Variants in EXO1 observed in about 807,000 individuals in gnomAD.
EXO1 encodes the protein exonuclease 1.
Under a neutral mutation model 84.5 loss-of-function variants are expected in EXO1, and 69 were observed. The observed-to-expected ratio is 0.82, with a 90% CI of 0.67 to 1.00. EXO1 has a LOEUF of 1.00. EXO1 is among the 50% of genes least tolerant of loss of function. The pLI is 0.00. For missense variants in EXO1, 1,045 were observed against 1,000.7 expected (o/e 1.04, Z -0.60); for synonymous variants, 373 against 366.1 (o/e 1.02, Z -0.21).
intron 6 of EXO1, among the ~76,000 whole-genome samples, chr1:241,856,278 A>G (rs2488470): frequency 0.51 from 76,304 of 148,542 alleles, 19,898 homozygotes; most frequent in East Asian, 0.73. Flanking sequence ...TTTTTTTTTA[A>G]CTTCCCAAAG....
At chr1:241,872,890 A>G (rs1662194403) in intron 12 of EXO1, among the ~76,000 whole-genome samples, 1 of 152,190 alleles carries the variant, frequency 6.6e-6, no homozygotes, top group South Asian at 2.1e-4. Context: ...TTGCTGGGTC[A>G]AATGGTATTT....
At chr1:241,859,313 A>G (rs1661241755) in intron 8 of EXO1, among the ~76,000 whole-genome samples, 1 of 152,186 alleles carries the variant, frequency 6.6e-6, no homozygotes, top group East Asian at 1.9e-4. Flanking sequence ...CTAATAGAAG[A>G]CAGCTGTGTT....
chr1:241,865,710 A>G (rs989979630), intron 10 of EXO1, among the ~76,000 whole-genome samples: 1 of 152,132 alleles, frequency 6.6e-6, no homozygotes, highest in East Asian at 1.9e-4. Context: ...TGTACACCAA[A>G]TGAGTTATTT....
chr1:241,853,015 T>A (rs762088189), intron 5 of EXO1, among the ~76,000 whole-genome samples: 1 of 152,236 alleles, frequency 6.6e-6, no homozygotes, highest in Non-Finnish European at 1.5e-5. Flanking sequence ...TAGCCTAGTA[T>A]GTGAACAGAT....
intron 12 of EXO1, among the ~76,000 whole-genome samples, chr1:241,875,456 C>A (rs2148494677): frequency 6.6e-6 from 1 of 152,324 alleles, no homozygotes; most frequent in African/African-American, 2.4e-5. Flanking sequence ...CTCAAGGAAA[C>A]AGTTGCAATA....
intron 10 of EXO1, among the ~76,000 whole-genome samples, chr1:241,865,215 CTT>C (rs76945375): frequency 1.2e-4 from 16 of 138,026 alleles, no homozygotes; most frequent in Non-Finnish European, 1.6e-4. Context: ...TTGAATATCT[CTT>C]TTTTTTTTTT....
intron 12 of EXO1, among the ~76,000 whole-genome samples, 183 bp from the exon 13 acceptor site, chr1:241,878,566 G>A (rs1662540029): frequency 6.6e-6 from 1 of 151,582 alleles, no homozygotes; most frequent in African/African-American, 2.4e-5. Context: ...ATGTGTGAAT[G>A]TTGGCATAAT....
At chr1:241,855,488 C>T (rs1288590177) in intron 6 of EXO1, among the ~76,000 whole-genome samples, 1 of 152,220 alleles carries the variant, frequency 6.6e-6, no homozygotes, top group African/African-American at 2.4e-5. Context: ...TCTCCAAGGC[C>T]CCACCAGACT....
At chr1:241,852,693 G>A (rs891485797) in intron 5 of EXO1, among the ~76,000 whole-genome samples, 5 of 152,210 alleles carry the variant, frequency 3.3e-5, no homozygotes, top group East Asian at 3.9e-4. Context: ...GTCTCACTCT[G>A]TCGCCCAGTC....
chr1:241,884,786 G>A (rs998285477), intron 14 of EXO1, among the ~76,000 whole-genome samples: 2 of 152,188 alleles, frequency 1.3e-5, no homozygotes, highest in East Asian at 1.9e-4. Context: ...TTACAAAAGA[G>A]AGAACTTTTA....
rs112649271 is a variant in EXO1, at chr1:241,871,045, G to T, written c.1268-987G>T. Among the ~76,000 whole-genome samples the T allele has an allele frequency of 5.5e-3, 838 of 152,078 alleles. 6 individuals carry two copies. The highest frequency in any genetic ancestry group is 0.019 in the African/African-American group (800 of 41,476). On this transcript the variant is annotated intron_variant, in intron 11 of 15. Coordinates refer to ENST00000366548, the MANE Select transcript of EXO1 (RefSeq NM_130398.4). ...CAAATTCTAGATATGCTTAATTTATGGAGTCCCCAAATAACTATGCTAATA... is the reference window on the plus strand; with the variant it reads ...CAAATTCTAGATATGCTTAATTTATTGAGTCCCCAAATAACTATGCTAATA...
At chr1:241,869,953 A>G (rs113773871) in intron 11 of EXO1, among the ~76,000 whole-genome samples, 181 of 152,178 alleles carry the variant, frequency 1.2e-3, no homozygotes, top group African/African-American at 4.2e-3. Flanking sequence ...GCTGGGATAC[A>G]GGCGTCCACT....
Position 241,872,201 on chromosome 1 carries a change from G to A in EXO1, c.1437G>A (p.Thr479=). Residue 479 remains threonine (T), a synonymous_variant, in exon 12 of 16, where the codon ACG becomes ACA. Transcript: ENST00000366548. ...NKKSVSTPPR[T]RNKFATFLQR... ...AGAGTGTAAGCACTCCACCTAGGAC[G>A]AGAAATAAATTTGCAACATTTTTAC... The A allele has an allele frequency of 2.5e-6, 4 of 1,613,894 alleles. No homozygotes were observed. Among genetic ancestry groups the A allele is most frequent in the East Asian group, 2.2e-5 (1 of 44,864 alleles).
Position 241,885,551 on chromosome 1 carries a change from T to C in EXO1, c.2405+44T>C, listed in dbSNP as rs371352108. The stretch of plus-strand genomic sequence containing the variant: ...TATTCTGAAACAAGATAAACTGTTA[T>C]TTTCTGTAATTTCCATCCCTTTCTC... On this transcript the variant is annotated intron_variant, in intron 15 of 15. Transcript: ENST00000366548. The C allele has an allele frequency of 5.7e-6, 8 of 1,413,440 alleles. No homozygotes were observed. In the African/African-American group the frequency reaches 9.9e-5, roughly 17 times the overall value. 87.6% of individuals were successfully genotyped at this position (1,413,440 alleles called of 1,614,324 possible). A position where few individuals can be genotyped will look rare whatever the true frequency, so the allele number is the denominator to read the frequency against.
chr1:241,877,921 A>G (rs1408338349), intron 12 of EXO1, among the ~76,000 whole-genome samples: 1 of 152,188 alleles, frequency 6.6e-6, no homozygotes, highest in Non-Finnish European at 1.5e-5. Flanking sequence ...GATGAAGGGT[A>G]AATAGCTAAT....
rs144475397 is a variant in EXO1, at chr1:241,859,609, G to A, written c.756+891G>A. Among the ~76,000 whole-genome samples the A allele has an allele frequency of 7.9e-4, 120 of 152,178 alleles. No homozygotes were observed. The East Asian group carries it at 0.016, about 20-fold the overall frequency. On this transcript the variant is annotated intron_variant, in intron 8 of 15. Transcript: ENST00000366548. ...CCCCATCCCTAAGTTATCTCATAAC[G>A]TGTATATGCAAATATTCCAAAATCT...
intron 10 of EXO1, among the ~76,000 whole-genome samples, chr1:241,864,187 T>C (rs1661571873): frequency 6.6e-6 from 1 of 152,204 alleles, no homozygotes; most frequent in Admixed American, 6.5e-5. Context: ...GACTTCATTC[T>C]TGGATGATGT....
chr1:241,886,561 A>G (rs963723817), intron 15 of EXO1, among the ~76,000 whole-genome samples: 1 of 152,280 alleles, frequency 6.6e-6, no homozygotes, highest in Non-Finnish European at 1.5e-5. Flanking sequence ...CTTATTTTAC[A>G]TTGTGTAAAG....
intron 10 of EXO1, among the ~76,000 whole-genome samples, chr1:241,865,665 C>T (rs1661672179): frequency 1.3e-5 from 2 of 152,050 alleles, no homozygotes; most frequent in Admixed American, 1.3e-4. Flanking sequence ...AGAATTTTGT[C>T]CTTCTCATAG....
Sources: gnomAD v4.1 joint callset for allele counts (sites outside exome capture counted in the v4.1 genomes callset) on GRCh38, gnomAD v4.1.1 for gene constraint, MANE v1.5 for transcripts, NCBI Gene and HGNC (gene_info 2026-07-23, HGNC 2026-07-21) for gene names.